Variants in PLCL1 observed in about 807,000 individuals in gnomAD.
PLCL1 encodes the protein phospholipase C like 1 (inactive), also known as inactive phospholipase C-like protein 1.
In PLCL1, 41 loss-of-function variants were observed where a neutral mutation model predicts 84.4. The observed-to-expected ratio is 0.49, with a 90% CI of 0.38 to 0.63. The LOEUF (loss-of-function observed/expected upper bound fraction) is 0.63. PLCL1 is among the 30% of genes least tolerant of loss of function. The pLI, the probability that PLCL1 is intolerant of heterozygous loss-of-function variation, is 0.00. For synonymous variants in PLCL1, 490 were observed against 488.3 expected, an observed-to-expected ratio of 1.00 and a Z score of -0.05; for missense variants, 1,206 against 1,367.8, an observed-to-expected ratio of 0.88 and a Z score of 1.87.
intron 1 of PLCL1, among the ~76,000 whole-genome samples, chr2:197,989,283 T>C (rs928648091): frequency 2.0e-5 from 3 of 152,058 alleles, no homozygotes; most frequent in Admixed American, 6.6e-5. Context: ...TTGACCTAGT[T>C]GGGGAGATAA....
At chr2:198,126,176 G>A (rs1004551467) in intron 5 of PLCL1, among the ~76,000 whole-genome samples, 10 of 151,828 alleles carry the variant, frequency 6.6e-5, no homozygotes, top group African/African-American at 2.2e-4. Context: ...TCCTAACATG[G>A]CCATCCCTCT....
At chr2:197,856,968 A>G (rs1021120599) in intron 1 of PLCL1, among the ~76,000 whole-genome samples, 1 of 152,010 alleles carries the variant, frequency 6.6e-6, no homozygotes, top group Non-Finnish European at 1.5e-5. Context: ...TACTTTAAAA[A>G]TATTTATTGA....
intron 1 of PLCL1, among the ~76,000 whole-genome samples, chr2:198,015,420 A>G (rs1690973879): frequency 6.6e-6 from 1 of 152,240 alleles, no homozygotes; most frequent in Non-Finnish European, 1.5e-5. Flanking sequence ...GATTTAAAGT[A>G]GTCACTTAAA....
intron 1 of PLCL1, among the ~76,000 whole-genome samples, chr2:198,023,072 C>T (rs1372155252): frequency 6.6e-6 from 1 of 152,120 alleles, no homozygotes; most frequent in Non-Finnish European, 1.5e-5. Context: ...TGGAACAGAA[C>T]AGAGACCTCA....
chr2:198,040,640 A>G (rs1313034731), intron 1 of PLCL1, among the ~76,000 whole-genome samples: 2 of 152,122 alleles, frequency 1.3e-5, no homozygotes, highest in African/African-American at 2.4e-5. Flanking sequence ...GGTTCTCTTC[A>G]TTTGGCCCCA....
At chr2:197,998,213 GTGT>G (rs1203866712) in intron 1 of PLCL1, among the ~76,000 whole-genome samples, 1 of 150,282 alleles carries the variant, frequency 6.7e-6, no homozygotes, top group African/African-American at 2.5e-5. Flanking sequence ...GTGTGTGTGT[GTGT>G]GATATGAGAT....
rs191058098 is a variant in PLCL1 at position 198,092,539 on chromosome 2, C to T, written c.2919+3478C>T. Among the ~76,000 whole-genome samples, 266 of 152,302 alleles carry T rather than the reference C, an allele frequency of 1.7e-3. 5 individuals are homozygous for T. In the South Asian group the frequency reaches 0.02, roughly 12 times the overall value. The stretch of plus-strand genomic sequence containing the variant: ...AAGGTACTTACCACTGTACCACCGA[C>T]ACCACCTCTTCTAGCTATTTGGAAA... On this transcript the variant is annotated intron_variant, in intron 3 of 5. Transcript: ENST00000428675.
chr2:198,148,643 G>C lies in PLCL1; in HGVS notation c.*1681G>C, dbSNP rs1022415532. 2 of 152,352 alleles carry C rather than the reference G, an allele frequency of 1.3e-5. No individual in the cohort carries two copies. The highest frequency in any genetic ancestry group is 4.8e-5 in the African/African-American group (2 of 41,536). 9.4% of individuals were successfully genotyped at this position (152,352 alleles called of 1,614,324 possible). ...TACCCTCTGTTATATTTAACTTGCTGGTAGGAGGAATAGTGGAATGCAGGT... is the reference window on the plus strand; with the variant it reads ...TACCCTCTGTTATATTTAACTTGCTCGTAGGAGGAATAGTGGAATGCAGGT... On this transcript the variant is annotated 3_prime_UTR_variant, in exon 6 of 6. Coordinates refer to ENST00000428675, the MANE Select transcript of PLCL1 (RefSeq NM_006226.4).
chr2:197,827,252 C>G (rs1472452721), intron 1 of PLCL1, among the ~76,000 whole-genome samples: 2 of 152,134 alleles, frequency 1.3e-5, no homozygotes, highest in Non-Finnish European at 2.9e-5. Context: ...TTACGTGGGT[C>G]AGGAGGCCCA....
At chr2:197,964,984 C>T (rs1430918454) in intron 1 of PLCL1, among the ~76,000 whole-genome samples, 1 of 151,906 alleles carries the variant, frequency 6.6e-6, no homozygotes, top group East Asian at 1.9e-4. Flanking sequence ...GGTTTGATAG[C>T]ATTTTATTGA....
intron 1 of PLCL1, among the ~76,000 whole-genome samples, chr2:197,996,244 G>A (rs967324313): frequency 3.9e-5 from 6 of 152,276 alleles, no homozygotes; most frequent in African/African-American, 1.4e-4. Context: ...GAAGTCACAG[G>A]GGTGGACTAG....
chr2:198,126,270 C>T (rs917876571), intron 5 of PLCL1, among the ~76,000 whole-genome samples: 3 of 152,154 alleles, frequency 2.0e-5, no homozygotes, highest in African/African-American at 7.2e-5. Flanking sequence ...CCCCCAACTC[C>T]TCTACAATCT....
chr2:198,149,812 A>G lies in PLCL1; in HGVS notation c.*2850A>G, dbSNP rs978712450. On this transcript the variant is annotated 3_prime_UTR_variant, in exon 6 of 6. Coordinates refer to ENST00000428675, the MANE Select transcript of PLCL1 (RefSeq NM_006226.4). ...TTGTAGCAGGGTGTTTAAAATTTTAACAATATGTTATGGATATCTTTCTGT... is the reference window on the plus strand; with the variant it reads ...TTGTAGCAGGGTGTTTAAAATTTTAGCAATATGTTATGGATATCTTTCTGT... 3 of 152,204 alleles carry G rather than the reference A, an allele frequency of 2.0e-5. No homozygotes were observed. Among genetic ancestry groups the G allele is most frequent in the African/African-American group, 7.2e-5 (3 of 41,452 alleles). 9.4% of individuals were successfully genotyped at this position (152,204 alleles called of 1,614,324 possible).
At chr2:197,929,035 A>G (rs947725713) in intron 1 of PLCL1, among the ~76,000 whole-genome samples, 1 of 152,114 alleles carries the variant, frequency 6.6e-6, no homozygotes, top group East Asian at 1.9e-4. Flanking sequence ...GGCATGTGTC[A>G]CTTAACTAAA....
intron 1 of PLCL1, among the ~76,000 whole-genome samples, chr2:197,956,140 G>A (rs949468067): frequency 2.0e-5 from 3 of 152,126 alleles, no homozygotes; most frequent in African/African-American, 7.2e-5. Flanking sequence ...TCCCTGCAAA[G>A]GACATGAACT....
At chr2:197,948,295 T>C (rs1259312667) in intron 1 of PLCL1, among the ~76,000 whole-genome samples, 1 of 152,098 alleles carries the variant, frequency 6.6e-6, no homozygotes, top group Non-Finnish European at 1.5e-5. Context: ...TATGGAGAAA[T>C]GACAAAATTT....
At chr2:197,942,904 T>C (rs1689188711) in intron 1 of PLCL1, among the ~76,000 whole-genome samples, 1 of 152,250 alleles carries the variant, frequency 6.6e-6, no homozygotes, top group Non-Finnish European at 1.5e-5. Context: ...AATGCAGTAA[T>C]CCCCTTATAA....
At chr2:197,918,971 T>TCTCTCTCTCTCTCTCTCTCTCTCACA (rs373512508) in intron 1 of PLCL1, among the ~76,000 whole-genome samples, 1 of 144,552 alleles carries the variant, frequency 6.9e-6, no homozygotes, top group Admixed American at 7.0e-5. Flanking sequence ...TCTCTCTCCC[T>TCTCTCTCTCTCTCTCTCTCTCTCACA]CACACACACA....
chr2:197,905,250 C>T (rs1056244367), intron 1 of PLCL1, among the ~76,000 whole-genome samples: 1 of 152,160 alleles, frequency 6.6e-6, no homozygotes, highest in Non-Finnish European at 1.5e-5. Context: ...TCCCCTAGCA[C>T]CCTATCCCCC....
Sources: gnomAD v4.1 joint callset for allele counts (sites outside exome capture counted in the v4.1 genomes callset) on GRCh38, gnomAD v4.1.1 for gene constraint, MANE v1.5 for transcripts, NCBI Gene and HGNC (gene_info 2026-07-23, HGNC 2026-07-21) for gene names.